CAMSAP1: variants seen among roughly 807,000 people sequenced by gnomAD.
The protein encoded by CAMSAP1 is calmodulin-regulated spectrin-associated protein 1.
A neutral mutation model predicts 143.5 loss-of-function variants in CAMSAP1; 58 were observed. That is an observed-to-expected ratio of 0.40 (90% CI 0.33 to 0.50). The LOEUF is 0.50. CAMSAP1 is among the 20% of genes least tolerant of loss of function. CAMSAP1 has a pLI of 0.45. For synonymous variants in CAMSAP1, 945 were observed against 859.3 expected, an observed-to-expected ratio of 1.10 and a Z score of -1.74; for missense variants, 1,969 against 2,115.7, an observed-to-expected ratio of 0.93 and a Z score of 1.36.
chr9:135,879,711 A>C (rs561760100), intron 3 of CAMSAP1, among the ~76,000 whole-genome samples: 3 of 152,178 alleles, frequency 2.0e-5, no homozygotes, highest in South Asian at 4.2e-4. Context: ...AAATATGAAC[A>C]ACCATTCCCC....
intron 7 of CAMSAP1, among the ~76,000 whole-genome samples, chr9:135,829,713 C>A (rs894665781): frequency 2.6e-5 from 4 of 151,674 alleles, no homozygotes; most frequent in African/African-American, 9.7e-5. Flanking sequence ...ATTAGCCAGG[C>A]GTGGTGGCGG....
chr9:135,877,603 C>G (rs1388172653), intron 3 of CAMSAP1, among the ~76,000 whole-genome samples: 7 of 151,638 alleles, frequency 4.6e-5, no homozygotes, highest in African/African-American at 1.7e-4. Context: ...CCCAGTAATT[C>G]AAAACTAGCC....
intron 7 of CAMSAP1, among the ~76,000 whole-genome samples, chr9:135,845,519 C>T (rs1185762069): frequency 6.6e-6 from 1 of 152,162 alleles, no homozygotes; most frequent in Non-Finnish European, 1.5e-5. Flanking sequence ...CTGGCCAGGG[C>T]AATCAGGCAA....
In CAMSAP1 at chr9:135,824,131, G is replaced by A; in HGVS notation, c.1316-97C>T. 1.9e-6 allele frequency: 2 copies of A among 1,050,970 alleles called. No homozygotes were observed. The highest frequency in any genetic ancestry group is 2.9e-6 in the Non-Finnish European group (2 of 695,722). 65.1% of individuals were successfully genotyped at this position (1,050,970 alleles called of 1,614,324 possible). A position where few individuals can be genotyped will look rare whatever the true frequency, so the allele number is the denominator to read the frequency against. On this transcript the variant is annotated intron_variant, in intron 9 of 16. Transcript: ENST00000389532. The surrounding 1 kb of genome is among the most constrained non-coding windows in gnomAD (Gnocchi z 4.1). ...ATTTGTCCAGAAAAATGCCTCTCAAGTCAGTACACCAGAAGGGCCGCATGG... is the reference window on the plus strand; with the variant it reads ...ATTTGTCCAGAAAAATGCCTCTCAAATCAGTACACCAGAAGGGCCGCATGG...
chr9:135,842,854 G>A (rs1436051244), intron 7 of CAMSAP1, among the ~76,000 whole-genome samples: 1 of 152,122 alleles, frequency 6.6e-6, no homozygotes, highest in East Asian at 1.9e-4. Context: ...ACATGGAAAG[G>A]AAAAACTGGT....
chr9:135,819,287 C>T (rs1306460737), intron 11 of CAMSAP1, 141 bp from the exon 12 acceptor site: 2 of 1,196,250 alleles, frequency 1.7e-6, no homozygotes, highest in East Asian at 5.2e-5. Flanking sequence ...CTAACCGTTA[C>T]AGACTCTGAA....
In CAMSAP1 at chr9:135,823,280, C is replaced by A; in HGVS notation, c.1401-20G>T. 2 of 1,533,456 alleles carry A rather than the reference C, an allele frequency of 1.3e-6. No individual in the cohort carries two copies. The highest frequency in any genetic ancestry group is 1.8e-6 in the Non-Finnish European group (2 of 1,141,658). 95.0% of individuals were successfully genotyped at this position (1,533,456 alleles called of 1,614,324 possible). A position where few individuals can be genotyped will look rare whatever the true frequency, so the allele number is the denominator to read the frequency against. ...GCAGGCCTGAAACACAGGGAAGGCC[C>A]ACTGGGTGCGCTGCGGTATACACCA... On this transcript the variant is annotated intron_variant, in intron 10 of 16. Transcript: ENST00000389532.
At chr9:135,901,753 G>A (rs553123514) in intron 1 of CAMSAP1, among the ~76,000 whole-genome samples, 4 of 152,002 alleles carry the variant, frequency 2.6e-5, no homozygotes, top group Admixed American at 6.6e-5. Context: ...CTCTCGGCAC[G>A]ACATCCCCCT....
chr9:135,866,321 T>G, intron 4 of CAMSAP1, 135 bp downstream of exon 4: 10 of 594,176 alleles, frequency 1.7e-5, no homozygotes, highest in South Asian at 4.0e-5. Context: ...GCCCACCAGG[T>G]GAATCCAAGA....
Position 135,822,364 on chromosome 9 carries a change from C to T in CAMSAP1, c.2297G>A (p.Gly766Glu), listed in dbSNP as rs747194908. The T allele has an allele frequency of 6.2e-7, 1 of 1,613,982 alleles. No homozygotes were observed. Among genetic ancestry groups the T allele is most frequent in the Admixed American group, 1.7e-5 (1 of 60,022 alleles). Residue 766 changes from glycine to glutamate, a missense_variant, in exon 11 of 17, where the codon GGG (glycine) becomes GAG (glutamate). Gly to Glu is a moderately conservative substitution (Grantham distance 98). Transcript: ENST00000389532. This position sits in a 1 kb window ranked among gnomAD's most constrained non-coding sequence, Gnocchi z 6.1. ...CTGCAGTTTGGCCGACTCTTCCTCC[C>T]CAATGTATCTGCTGAAAACCACAGG... is the stretch of plus-strand genomic sequence containing the variant. ...AHPVVFSRYI[G>E]EEESAKLQED...
intron 7 of CAMSAP1, among the ~76,000 whole-genome samples, chr9:135,832,442 A>C (rs1015385759): frequency 6.6e-6 from 1 of 152,230 alleles, no homozygotes; most frequent in Non-Finnish European, 1.5e-5. Flanking sequence ...CATTTATGAA[A>C]AGCCCACAGC....
At chr9:135,837,983 A>ATG (rs1836154975) in intron 7 of CAMSAP1, among the ~76,000 whole-genome samples, 4 of 144,520 alleles carry the variant, frequency 2.8e-5, no homozygotes, top group South Asian at 4.5e-4. Flanking sequence ...ACACATCATC[A>ATG]CACGCTTTCT....
intron 1 of CAMSAP1, among the ~76,000 whole-genome samples, chr9:135,898,641 G>C (rs188250634): frequency 2.6e-5 from 4 of 152,154 alleles, no homozygotes; most frequent in Non-Finnish European, 5.9e-5. Flanking sequence ...TAAGTCATCA[G>C]GGAAATGCAT....
rs1835597432 is a variant in CAMSAP1, at chr9:135,824,437, T to A, written c.1315+352A>T. Among the ~76,000 whole-genome samples the A allele has an allele frequency of 6.6e-6, 1 of 152,116 alleles. No individual in the cohort carries two copies. The highest frequency in any genetic ancestry group is 1.5e-5 in the Non-Finnish European group (1 of 68,024). On this transcript the variant is annotated intron_variant, in intron 9 of 16. Coordinates refer to ENST00000389532, the MANE Select transcript of CAMSAP1 (RefSeq NM_015447.4). The surrounding 1 kb of genome is among the most constrained non-coding windows in gnomAD (Gnocchi z 4.1). ...ATTCCAGCACTCTGGGAGGCCGAGG[T>A]GGGCAGATCATGAGGCTAGGAGATC...
At chr9:135,897,002 A>G (rs1838475140) in intron 1 of CAMSAP1, among the ~76,000 whole-genome samples, 1 of 152,218 alleles carries the variant, frequency 6.6e-6, no homozygotes, top group East Asian at 1.9e-4. Context: ...TGGACTTCTT[A>G]GCCTCCAGAA....
Position 135,852,488 on chromosome 9 carries a change from C to A in CAMSAP1, c.809-2027G>T, listed in dbSNP as rs140848153. Among the ~76,000 whole-genome samples, 795 of 152,212 alleles carry A rather than the reference C, an allele frequency of 5.2e-3. 13 individuals are homozygous for A. The highest frequency in any genetic ancestry group is 0.032 in the South Asian group (153 of 4,810). On this transcript the variant is annotated intron_variant, in intron 5 of 16. Coordinates refer to ENST00000389532, the MANE Select transcript of CAMSAP1 (RefSeq NM_015447.4). ...ACTTTTCAGGTTTGCATCTTTACTC[C>A]GAGGAAGGGGTATTTCTGGCTCAGG...
intron 1 of CAMSAP1, among the ~76,000 whole-genome samples, chr9:135,891,428 C>A (rs777808225): frequency 6.6e-6 from 1 of 152,220 alleles, no homozygotes; most frequent in Non-Finnish European, 1.5e-5. Flanking sequence ...TGGGCTTACT[C>A]CTGAGCTGTG....
rs529390184 is a variant in CAMSAP1 at position 135,847,718 on chromosome 9, G to C, written c.1045+2419C>G. 2.0e-5 allele frequency among the ~76,000 whole-genome samples: 3 copies of C among 147,138 alleles called. No individual in the cohort carries two copies. The East Asian group carries it at 6.1e-4, about 30-fold the overall frequency. On this transcript the variant is annotated intron_variant, in intron 7 of 16. Transcript: ENST00000389532. ...CTGTCGGGGGGTGGGAGGGCTAGGAGAGGGAGAGCATTAGGGAAAACGCCT... is the reference window on the plus strand; with the variant it reads ...CTGTCGGGGGGTGGGAGGGCTAGGACAGGGAGAGCATTAGGGAAAACGCCT...
chr9:135,840,096 C>G (rs1238806242), intron 7 of CAMSAP1, among the ~76,000 whole-genome samples: 3 of 152,224 alleles, frequency 2.0e-5, no homozygotes, highest in African/African-American at 7.2e-5. Context: ...GGACCCCTTG[C>G]AGCCTGGAAG....
Sources: gnomAD v4.1 joint callset for allele counts (sites outside exome capture counted in the v4.1 genomes callset) on GRCh38, gnomAD v4.1.1 for gene constraint, Gnocchi (gnomAD v3.1) non-coding constraint, MANE v1.5 for transcripts, NCBI Gene and HGNC (gene_info 2026-07-23, HGNC 2026-07-21) for gene names.